Variants in NAT10 observed in about 807,000 individuals in gnomAD.
The protein encoded by NAT10 is RNA cytidine acetyltransferase.
A neutral mutation model predicts 132.2 loss-of-function variants in NAT10; 109 were observed. The observed-to-expected ratio is 0.82, with a 90% confidence interval of 0.71 to 0.97. The LOEUF is 0.97. Ranked by LOEUF, NAT10 falls within the 50% of genes least tolerant of loss-of-function variation. The pLI is 0.00. For synonymous variants in NAT10, 479 were observed against 478.0 expected, an observed-to-expected ratio of 1.00 and a Z score of -0.03; for missense variants, 1,184 against 1,263.4, an observed-to-expected ratio of 0.94 and a Z score of 0.95.
chr11:34,140,540 C>A lies in NAT10; in HGVS notation c.2560C>A (p.Leu854Met). 1.2e-6 allele frequency: 2 copies of A among 1,614,142 alleles called. No individual in the cohort carries two copies. The highest frequency in any genetic ancestry group is 1.7e-6 in the Non-Finnish European group (2 of 1,180,000). The change falls in exon 24 of 29, where the codon CTG becomes ATG. Residue 854 changes from leucine (L) to methionine (M), a missense_variant. Physicochemically the swap from Leu to Met is conservative, Grantham distance 15. Transcript: ENST00000257829. ...AISRIYFLNQ[L>M]GDLALSAAQS... ...CTCTCGCATCTATTTCCTGAACCAG[C>A]TGGGGGACCTGGCCCTGTCTGCGGC...
chr11:34,133,906 A>T (rs1852153744), intron 16 of NAT10, among the ~76,000 whole-genome samples: 1 of 151,754 alleles, frequency 6.6e-6, no homozygotes, highest in African/African-American at 2.4e-5. Flanking sequence ...TAATCCCAGC[A>T]CTTTGGGAGG....
rs1228494416 is a variant in NAT10 at position 34,141,223 on chromosome 11, A to C, written c.2712+15A>C. On this transcript the variant is annotated intron_variant, in intron 25 of 28. Coordinates refer to ENST00000257829, the MANE Select transcript of NAT10 (RefSeq NM_024662.3). ...AAGTTGTGAAGGTAACCTCAGCCTG[A>C]GGGCAGGGGCTTGATGTCTCTCAAA... The C allele has an allele frequency of 3.1e-6, 5 of 1,613,648 alleles. No homozygotes were observed. The highest frequency in any genetic ancestry group is 3.4e-6 in the Non-Finnish European group (4 of 1,179,958).
intron 28 of NAT10, among the ~76,000 whole-genome samples, chr11:34,144,986 G>T (rs1208901024): frequency 6.6e-6 from 1 of 152,236 alleles, no homozygotes; most frequent in East Asian, 1.9e-4. Context: ...CAGCATCGAT[G>T]CCGGCCTCAT....
At chr11:34,112,554 C>G (rs1166062169) in intron 4 of NAT10, among the ~76,000 whole-genome samples, 1 of 152,234 alleles carries the variant, frequency 6.6e-6, no homozygotes, top group Non-Finnish European at 1.5e-5. Flanking sequence ...TTGGCATTCA[C>G]CAAAGACTTT....
chr11:34,114,214 T>A (rs1382115493), intron 5 of NAT10, among the ~76,000 whole-genome samples: 2 of 152,226 alleles, frequency 1.3e-5, no homozygotes, highest in Non-Finnish European at 2.9e-5. Flanking sequence ...CTGGCCCTTA[T>A]CCTAATGGAT....
intron 23 of NAT10, 137 bp downstream of exon 23, chr11:34,139,632 G>A (rs1029018943): frequency 3.3e-5 from 23 of 705,468 alleles, no homozygotes; most frequent in Middle Eastern, 3.8e-4. Flanking sequence ...GTCACCACCC[G>A]CTTGCCAGGC....
chr11:34,121,374 G>T (rs1851888909), intron 8 of NAT10, among the ~76,000 whole-genome samples: 1 of 152,110 alleles, frequency 6.6e-6, no homozygotes, highest in African/African-American at 2.4e-5. Flanking sequence ...ATATGTTTTG[G>T]AGGTAACAGG....
At chr11:34,134,692 T>C (rs953085630) in intron 18 of NAT10, 106 bp downstream of exon 18, 16 of 1,061,028 alleles carry the variant, frequency 1.5e-5, no homozygotes, top group Middle Eastern at 2.9e-4. Context: ...GCAAGTGAAG[T>C]GTAGGCACTT....
At chr11:34,122,320 A>G in intron 8 of NAT10, 139 bp from the exon 9 acceptor site, 1 of 1,039,912 alleles carries the variant, frequency 9.6e-7, no homozygotes, top group African/African-American at 1.6e-5. Context: ...CCAGGTGCTG[A>G]GCAGTGCTTT....
rs756433598 is a variant in NAT10, at chr11:34,122,641, G to T, written c.914+49G>T. 3.1e-6 allele frequency: 5 copies of T among 1,604,166 alleles called. No homozygotes were observed. In the Admixed American group the frequency reaches 6.9e-5, roughly 22 times the overall value. ...TTTAGGAACTCTGGGCTCTGTGGGGGTAGTGTGCAGGGTTGGGGTCAGAGG... is the reference window on the plus strand; with the variant it reads ...TTTAGGAACTCTGGGCTCTGTGGGGTTAGTGTGCAGGGTTGGGGTCAGAGG... On this transcript the variant is annotated intron_variant, in intron 9 of 28. Transcript: ENST00000257829.
intron 28 of NAT10, among the ~76,000 whole-genome samples, chr11:34,145,825 G>A (rs2467387): frequency 0.017 from 2,549 of 152,202 alleles, 47 homozygotes; most frequent in African/African-American, 0.058. Context: ...CCGGATTTCA[G>A]GTGTTAAGAT....
Position 34,143,536 on chromosome 11 carries a change from C to T in NAT10, c.2969+8C>T, listed in dbSNP as rs376520588. The stretch of plus-strand genomic sequence containing the variant: ...GATCATCAGCCTGAAAAGGTGAGGG[C>T]CCAGGGTCTGATGTGCATCTGGCGG... On this transcript the variant is annotated splice_region_variant and intron_variant, in intron 28 of 28. Transcript: ENST00000257829. 4.3e-6 allele frequency: 7 copies of T among 1,612,910 alleles called. No individual in the cohort carries two copies. The highest frequency in any genetic ancestry group is 4.0e-5 in the African/African-American group (3 of 75,014).
chr11:34,141,073 AT>A lies in NAT10; in HGVS notation c.2593-12del. On this transcript the variant is annotated splice_polypyrimidine_tract_variant and intron_variant, in intron 24 of 28. Transcript: ENST00000257829. Reference sequence around the variant, plus strand: ...CGTGTCCTAGAGGCCCACCCAGCAGATTTTCCATCCTTTAGGCTCTTCTCTT... The same window carrying A: ...CGTGTCCTAGAGGCCCACCCAGCAGATTTCCATCCTTTAGGCTCTTCTCTT... 6.2e-7 allele frequency: 1 copy of A among 1,613,634 alleles called. No individual in the cohort carries two copies. The highest frequency in any genetic ancestry group is 2.2e-5 in the East Asian group (1 of 44,834).
chr11:34,120,143 G>GTTTTTT (rs771235436), intron 8 of NAT10, among the ~76,000 whole-genome samples: 13 of 94,130 alleles, frequency 1.4e-4, no homozygotes, highest in Admixed American at 2.8e-4. Flanking sequence ...GTTGCTGTTG[G>GTTTTTT]TTTTTTTTTT....
At chr11:34,130,034 T>C (rs1852077369) in intron 12 of NAT10, among the ~76,000 whole-genome samples, 1 of 151,712 alleles carries the variant, frequency 6.6e-6, no homozygotes, top group Admixed American at 6.6e-5. Flanking sequence ...GTGTGGAGAG[T>C]GGGCATAAAA....
chr11:34,139,578 G>A (rs1852284757), intron 23 of NAT10, 83 bp downstream of exon 23: 2 of 1,280,226 alleles, frequency 1.6e-6, no homozygotes, highest in Non-Finnish European at 2.3e-6. Flanking sequence ...GAAGGGTTTG[G>A]GCTGGAAATT....
Position 34,141,718 on chromosome 11 carries a change from G to A in NAT10, c.2713-1G>A, listed in dbSNP as rs1254177084. ...GCTTCTCTGTTGGTTGTCTTTTGTA[G>A]CTATTTAATGAAGTTCAGGAAAAGG... On this transcript the variant is annotated splice_acceptor_variant, in intron 25 of 28. Coordinates refer to ENST00000257829, the MANE Select transcript of NAT10 (RefSeq NM_024662.3). LOFTEE classifies it high-confidence loss of function. The A allele has an allele frequency of 6.2e-7, 1 of 1,613,992 alleles. No individual in the cohort carries two copies. The highest frequency in any genetic ancestry group is 1.7e-5 in the Admixed American group (1 of 60,010).
Position 34,122,554 on chromosome 11 carries a change from A to T in NAT10, c.876A>T (p.Ala292=). The change falls in exon 9 of 29, where the codon GCA becomes GCT. Residue 292 remains alanine, a synonymous_variant. Coordinates refer to ENST00000257829, the MANE Select transcript of NAT10 (RefSeq NM_024662.3). ...LTAARGRGKS[A]ALGLAIAGAV... is the part of the protein sequence containing the mutation. ...CTGCTCGAGGACGGGGAAAATCTGC[A>T]GCCCTGGGATTGGCGATTGCTGGGG... is the stretch of plus-strand genomic sequence containing the variant. 1 of 1,614,212 alleles carries T rather than the reference A, an allele frequency of 6.2e-7. No homozygotes were observed. The highest frequency in any genetic ancestry group is 8.5e-7 in the Non-Finnish European group (1 of 1,180,046).
intron 14 of NAT10, 112 bp from the exon 15 acceptor site, chr11:34,132,013 T>G: frequency 2.5e-6 from 2 of 803,572 alleles, no homozygotes; most frequent in African/African-American, 1.7e-5. Context: ...GTGTTTCTGC[T>G]TAGGACACTG....
Sources: gnomAD v4.1 joint callset for allele counts (sites outside exome capture counted in the v4.1 genomes callset) on GRCh38, gnomAD v4.1.1 for gene constraint, MANE v1.5 for transcripts, NCBI Gene and HGNC (gene_info 2026-07-23, HGNC 2026-07-21) for gene names.